KCNH1: variants seen among roughly 807,000 people sequenced by gnomAD.
KCNH1 encodes the protein voltage-gated delayed rectifier potassium channel KCNH1.
Under a neutral mutation model 69.2 loss-of-function variants are expected in KCNH1, and 27 were observed. The ratio of observed to expected loss-of-function variants is 0.39; its 90% CI spans 0.29 to 0.54. The LOEUF (loss-of-function observed/expected upper bound fraction) is 0.54. Ranked by LOEUF, KCNH1 falls within the 20% of genes least tolerant of loss-of-function variation. KCNH1 has a pLI of 0.68. For synonymous variants in KCNH1, 456 were observed against 487.7 expected (o/e 0.93, Z 0.86); for missense variants, 798 against 1,261.6 (o/e 0.63, Z 5.57).
intron 7 of KCNH1, among the ~76,000 whole-genome samples, chr1:210,910,544 C>T (rs1230100790): frequency 6.6e-6 from 1 of 152,240 alleles, no homozygotes; most frequent in African/African-American, 2.4e-5. Flanking sequence ...TGCACCAGTG[C>T]CCTGTTCATT....
In KCNH1 at chr1:210,987,251, G is replaced by T. The variant is rs1008902802; in HGVS notation, c.1032+31532C>A. On this transcript the variant is annotated intron_variant, in intron 6 of 10. Transcript: ENST00000271751. ...GAACTTCCTCCTTTAGCTCGGAGTA[G>T]TTTGATCATCTGAAGCCTTCTTCTC... Among the ~76,000 whole-genome samples, 12 of 152,114 alleles carry T rather than the reference G, an allele frequency of 7.9e-5. 1 individual carries two copies. The highest frequency in any genetic ancestry group is 1.5e-5 in the Non-Finnish European group (1 of 68,010).
At chr1:211,078,573 G>A (rs533193401) in intron 5 of KCNH1, among the ~76,000 whole-genome samples, 21 of 152,204 alleles carry the variant, frequency 1.4e-4, no homozygotes, top group Admixed American at 3.9e-4. Context: ...AAACCAATGA[G>A]AACAAAGACA....
At chr1:210,804,596 T>C (rs1684495981) in intron 7 of KCNH1, among the ~76,000 whole-genome samples, 1 of 152,158 alleles carries the variant, frequency 6.6e-6, no homozygotes, top group Admixed American at 6.5e-5. Flanking sequence ...TCCAAACCCA[T>C]CAGTGAATGA....
intron 10 of KCNH1, among the ~76,000 whole-genome samples, chr1:210,712,046 C>T (rs17016743): frequency 0.017 from 2,614 of 152,294 alleles, 75 homozygotes; most frequent in Admixed American, 0.062. Context: ...GGGCCCATTC[C>T]TGACAGCGAG....
chr1:210,889,258 A>G (rs1447346829), intron 7 of KCNH1, among the ~76,000 whole-genome samples: 1 of 152,220 alleles, frequency 6.6e-6, no homozygotes, highest in Non-Finnish European at 1.5e-5. Context: ...ACATACACAA[A>G]TAAATAAGCA....
At chr1:210,922,900 T>A (rs1343930405) in intron 6 of KCNH1, among the ~76,000 whole-genome samples, 1 of 152,310 alleles carries the variant, frequency 6.6e-6, no homozygotes, top group African/African-American at 2.4e-5. Context: ...CACCTCCTCA[T>A]AAGGAGGTCC....
chr1:211,063,338 G>A (rs370308727), intron 5 of KCNH1: 2 of 152,328 alleles, frequency 1.3e-5, no homozygotes, highest in African/African-American at 4.8e-5. Flanking sequence ...GGAATAAAGA[G>A]GAGATGGTTA....
intron 9 of KCNH1, among the ~76,000 whole-genome samples, chr1:210,791,430 T>C (rs1684210372): frequency 6.6e-6 from 1 of 152,204 alleles, no homozygotes; most frequent in African/African-American, 2.4e-5. Flanking sequence ...GTGTCCACTA[T>C]AGTTGAGAAC....
At chr1:211,059,090 C>A (rs1280127936) in intron 5 of KCNH1, among the ~76,000 whole-genome samples, 1 of 149,188 alleles carries the variant, frequency 6.7e-6, no homozygotes, top group African/African-American at 2.5e-5. Context: ...ACCATCCTGG[C>A]TAACATGGTG....
intron 7 of KCNH1, among the ~76,000 whole-genome samples, chr1:210,873,189 A>G (rs1198945016): frequency 1.3e-5 from 2 of 152,146 alleles, no homozygotes; most frequent in Non-Finnish European, 2.9e-5. Flanking sequence ...ATTCCCATGC[A>G]ATGGTCTTGT....
At chr1:211,128,261 C>T (rs751464241) in intron 1 of KCNH1, among the ~76,000 whole-genome samples, 15 of 136,566 alleles carry the variant, frequency 1.1e-4, no homozygotes, top group Admixed American at 1.1e-3. Context: ...TGCACTCCAG[C>T]GACAAAGTGA....
intron 5 of KCNH1, among the ~76,000 whole-genome samples, chr1:211,024,875 A>C (rs937637676): frequency 5.3e-5 from 8 of 151,836 alleles, no homozygotes; most frequent in African/African-American, 1.9e-4. Context: ...TGGCTGGTCC[A>C]AAGTAGGCAC....
At chr1:210,721,722 C>T (rs1177021168) in intron 10 of KCNH1, among the ~76,000 whole-genome samples, 1 of 152,012 alleles carries the variant, frequency 6.6e-6, no homozygotes, top group Non-Finnish European at 1.5e-5. Flanking sequence ...TTAATGGGTG[C>T]AGCACACCAA....
At chr1:210,902,478 C>T (rs915376872) in intron 7 of KCNH1, among the ~76,000 whole-genome samples, 1 of 152,212 alleles carries the variant, frequency 6.6e-6, no homozygotes, top group Non-Finnish European at 1.5e-5. Flanking sequence ...GAAGCTGGCT[C>T]TGTTTTGAGG....
At chr1:210,698,700 A>G (rs1030822477) in intron 10 of KCNH1, among the ~76,000 whole-genome samples, 3 of 152,186 alleles carry the variant, frequency 2.0e-5, no homozygotes, top group African/African-American at 7.2e-5. Context: ...AACACTTCAC[A>G]TACATTATTT....
intron 10 of KCNH1, among the ~76,000 whole-genome samples, chr1:210,695,719 A>G (rs1681624443): frequency 6.7e-6 from 1 of 150,324 alleles, no homozygotes; most frequent in Admixed American, 6.7e-5. Flanking sequence ...GTCTTTGTCT[A>G]TTATAATTTG....
intron 10 of KCNH1, among the ~76,000 whole-genome samples, chr1:210,771,071 T>C (rs1177161998): frequency 6.6e-6 from 1 of 152,226 alleles, no homozygotes; most frequent in African/African-American, 2.4e-5. Flanking sequence ...ACGTAGCTTG[T>C]ACAATATCTG....
At chr1:210,841,231 G>A (rs79145565) in intron 7 of KCNH1, among the ~76,000 whole-genome samples, 1,544 of 152,106 alleles carry the variant, frequency 0.01, 31 homozygotes, top group African/African-American at 0.035. Context: ...ATGTTTTGTC[G>A]TTTATACTTG....
In KCNH1 at chr1:210,797,531, T is replaced by C; in HGVS notation, c.1892A>G (p.Asp631Gly). Reference protein sequence around the residue: ...VVSGSLEVIQDDEVVAILGKG... With the variant: ...VVSGSLEVIQGDEVVAILGKG... ...ACCTAGAATGGCCACCACCTCATCA[T>C]CTTGGATCACCTCCAGGGAGCCAGA... Residue 631 changes from aspartate (D) to glycine (G), a missense_variant, in exon 9 of 11, where the codon GAT (aspartate) becomes GGT (glycine). Asp to Gly is a moderately conservative substitution (Grantham distance 94). Transcript: ENST00000271751. 1 of 1,614,170 alleles carries C rather than the reference T, an allele frequency of 6.2e-7. No individual in the cohort carries two copies. Among genetic ancestry groups the C allele is most frequent in the Admixed American group, 1.7e-5 (1 of 60,026 alleles).
Sources: allele counts gnomAD v4.1 joint callset (sites outside exome capture counted in the v4.1 genomes callset), GRCh38; gene constraint gnomAD v4.1.1; transcripts MANE v1.5; gene names NCBI Gene and HGNC (gene_info 2026-07-23, HGNC 2026-07-21).